PCDHGA9: variants seen among roughly 807,000 people sequenced by gnomAD.
PCDHGA9 encodes the protein protocadherin gamma subfamily A, 9.
In PCDHGA9, 37 loss-of-function variants were observed where a neutral mutation model predicts 62.5. That is an observed-to-expected ratio of 0.59 (90% CI 0.46 to 0.78). The LOEUF (loss-of-function observed/expected upper bound fraction) is 0.78. Ranked by LOEUF, PCDHGA9 falls within the 30% of genes least tolerant of loss-of-function variation. The probability of loss-of-function intolerance (pLI) is 0.00; values close to 1 mark genes in which losing one functional copy is unlikely to be tolerated. For missense variants in PCDHGA9, 1,138 were observed against 1,166.2 expected, an observed-to-expected ratio of 0.98 and a Z score of 0.35; for synonymous variants, 459 against 484.6, an observed-to-expected ratio of 0.95 and a Z score of 0.69.
At chr5:141,478,920 C>A (rs559060283) in intron 1 of PCDHGA9, 1 of 728,392 alleles carries the variant, frequency 1.4e-6, no homozygotes. Context: ...ATACCTCTAA[C>A]CAGTGGCAGC....
At chr5:141,441,746 C>CGTCAA in intron 1 of PCDHGA9, 1 of 371,314 alleles carries the variant, frequency 2.7e-6, no homozygotes, top group Non-Finnish European at 5.4e-6. Context: ...TCGCGCTCGG[C>CGTCAA]GTCAACGTGA....
chr5:141,457,708 T>C (rs1160977721), intron 1 of PCDHGA9, among the ~76,000 whole-genome samples: 1 of 152,260 alleles, frequency 6.6e-6, no homozygotes, highest in Admixed American at 6.5e-5. Context: ...GATGAAACAC[T>C]GTTCCACAAG....
intron 1 of PCDHGA9, chr5:141,423,301 C>T (rs1489674947): frequency 1.9e-6 from 3 of 1,614,150 alleles, no homozygotes; most frequent in East Asian, 4.5e-5. Flanking sequence ...AGACCTCTCG[C>T]TGTACTTGGT....
Position 141,424,520 on chromosome 5 carries a change from A to T in PCDHGA9, c.2424+19144A>T, listed in dbSNP as rs527395935. ...GTATGGAAGGTTTTTTAATGTAGTA[A>T]ATCCATATATAGAAATAACTTGATT... is the stretch of plus-strand genomic sequence containing the variant. On this transcript the variant is annotated intron_variant, in intron 1 of 3. Coordinates refer to ENST00000573521, the MANE Select transcript of PCDHGA9 (RefSeq NM_018921.3). 15 of 152,286 alleles carry T rather than the reference A, an allele frequency of 9.8e-5. No individual in the cohort carries two copies. In the East Asian group the frequency reaches 2.9e-3, roughly 29 times the overall value. The allele number at this position is 152,286 out of a possible 1,614,324, so 9.4% of individuals were successfully genotyped here. A position where few individuals can be genotyped will look rare whatever the true frequency, so the allele number is the denominator to read the frequency against.
intron 1 of PCDHGA9, among the ~76,000 whole-genome samples, chr5:141,436,884 G>T (rs1041906146): frequency 6.6e-6 from 1 of 152,190 alleles, no homozygotes; most frequent in Non-Finnish European, 1.5e-5. Context: ...AAAAGATGGG[G>T]GAAAGATTTT....
At chr5:141,427,914 A>C in intron 1 of PCDHGA9, 1 of 1,576,800 alleles carries the variant, frequency 6.3e-7, no homozygotes, top group Non-Finnish European at 8.7e-7. Flanking sequence ...CAGCGCCAAC[A>C]TGAGCCGGCG....
Position 141,505,374 on chromosome 5 carries a change from C to T in PCDHGA9, c.2484-19C>T. The T allele has an allele frequency of 2.5e-6, 4 of 1,614,004 alleles. No homozygotes were observed. Among genetic ancestry groups the T allele is most frequent in the Non-Finnish European group, 2.5e-6 (3 of 1,179,944 alleles). On this transcript the variant is annotated intron_variant, in intron 2 of 3. Coordinates refer to ENST00000573521, the MANE Select transcript of PCDHGA9 (RefSeq NM_018921.3). Reference sequence around the variant, plus strand: ...TGCCGGCCTGGGAGTCTGTGCTCACCATCCTACTCTCTCCCCAGCTCCCAA... The same window carrying T: ...TGCCGGCCTGGGAGTCTGTGCTCACTATCCTACTCTCTCCCCAGCTCCCAA...
intron 1 of PCDHGA9, among the ~76,000 whole-genome samples, chr5:141,406,302 C>T (rs897412289): frequency 1.3e-4 from 20 of 152,020 alleles, no homozygotes; most frequent in African/African-American, 4.8e-4. Context: ...GAGGTGTGAA[C>T]CACCTCACCC....
chr5:141,494,742 G>A (rs1223104681), intron 1 of PCDHGA9, 65 bp from the exon 2 acceptor site: 10 of 1,611,946 alleles, frequency 6.2e-6, no homozygotes, highest in Non-Finnish European at 8.5e-6. Context: ...CCCATCCCTA[G>A]GGGCTCGGGT....
intron 1 of PCDHGA9, among the ~76,000 whole-genome samples, chr5:141,459,575 G>T (rs2098970751): frequency 1.3e-5 from 2 of 152,132 alleles, no homozygotes; most frequent in Admixed American, 6.5e-5. Context: ...AAACAGAATT[G>T]TTTTGGGGGT....
At chr5:141,478,644 T>G in intron 1 of PCDHGA9, 1 of 1,552,238 alleles carries the variant, frequency 6.4e-7, no homozygotes, top group South Asian at 1.2e-5. Context: ...GATGAAGATG[T>G]TTTCCTGGTG....
At chr5:141,414,670 A>G in intron 1 of PCDHGA9, 1 of 1,613,894 alleles carries the variant, frequency 6.2e-7, no homozygotes. Context: ...GGCTGAAGAC[A>G]CCATCCAGGG....
chr5:141,477,043 G>A lies in PCDHGA9; in HGVS notation c.2425-17764G>A. The A allele has an allele frequency of 6.2e-7, 1 of 1,614,260 alleles. No individual in the cohort carries two copies. Among genetic ancestry groups the A allele is most frequent in the Middle Eastern group, 1.6e-4 (1 of 6,062 alleles). On this transcript the variant is annotated intron_variant, in intron 1 of 3. Coordinates refer to ENST00000573521, the MANE Select transcript of PCDHGA9 (RefSeq NM_018921.3). This position sits in a 1 kb window ranked among gnomAD's most constrained non-coding sequence, Gnocchi z 4.9. The stretch of plus-strand genomic sequence containing the variant: ...CCGGGATGCTGACAATCAAGGGTCG[G>A]CTGGACTTCGAGGACACCAAACTCC...
chr5:141,506,025 A>T (rs2099850088), intron 3 of PCDHGA9, among the ~76,000 whole-genome samples: 1 of 152,150 alleles, frequency 6.6e-6, no homozygotes, highest in African/African-American at 2.4e-5. Context: ...CCCTAACTCC[A>T]GAGTAGGATT....
chr5:141,409,262 G>C (rs768196825), intron 1 of PCDHGA9: 1 of 1,613,952 alleles, frequency 6.2e-7, no homozygotes, highest in Admixed American at 1.7e-5. Flanking sequence ...TTCTCTCTCT[G>C]ATCAGATTTT....
intron 2 of PCDHGA9, among the ~76,000 whole-genome samples, chr5:141,502,170 G>A (rs1165631931): frequency 6.6e-6 from 1 of 152,128 alleles, no homozygotes; most frequent in Admixed American, 6.5e-5. Context: ...TTCAGTTGAG[G>A]AATTTAACAT....
chr5:141,491,143 C>A lies in PCDHGA9; in HGVS notation c.2425-3664C>A. 1.2e-6 allele frequency: 2 copies of A among 1,614,142 alleles called. No homozygotes were observed. Among genetic ancestry groups the A allele is most frequent in the South Asian group, 1.1e-5 (1 of 91,082 alleles). On this transcript the variant is annotated intron_variant, in intron 1 of 3. Transcript: ENST00000573521. This position sits in a 1 kb window ranked among gnomAD's most constrained non-coding sequence, Gnocchi z 6.9. ...TGAGGTGCGCACAGCCCGGGCCTTA[C>A]TGGAGGATGACTCTGACACCCAGCA... is the stretch of plus-strand genomic sequence containing the variant.
chr5:141,428,367 G>C, intron 1 of PCDHGA9: 1 of 546,792 alleles, frequency 1.8e-6, no homozygotes, highest in South Asian at 1.9e-5. Context: ...CGGTCGCCTT[G>C]CACCTGCGAT....
intron 1 of PCDHGA9, among the ~76,000 whole-genome samples, chr5:141,457,440 A>G (rs188608086): frequency 3.9e-5 from 6 of 152,334 alleles, no homozygotes; most frequent in Non-Finnish European, 8.8e-5. Flanking sequence ...ACCAAGCTGC[A>G]GAAGATCACC....
Sources: allele counts gnomAD v4.1 joint callset (sites outside exome capture counted in the v4.1 genomes callset), GRCh38; gene constraint gnomAD v4.1.1; non-coding constraint Gnocchi (gnomAD v3.1); transcripts MANE v1.5; gene names NCBI Gene and HGNC (gene_info 2026-07-23, HGNC 2026-07-21).